The following ZNF804A variants were observed in gnomAD, a reference collection of about 807,000 sequenced individuals.
The protein encoded by ZNF804A is zinc finger protein 804A.
ZNF804A carries 2 observed loss-of-function variants against 16.5 expected under a neutral mutation model. The ratio of observed to expected loss-of-function variants is 0.12; its 90% CI spans 0.05 to 0.38. The LOEUF is 0.38. Among genes scored for constraint, ZNF804A ranks in the 10% least tolerant of loss-of-function variants. The pLI is 0.99. For missense variants in ZNF804A, 1,473 were observed against 1,390.7 expected (o/e 1.06, Z -0.94); for synonymous variants, 534 against 489.6 (o/e 1.09, Z -1.20).
rs780447562 is a variant in ZNF804A, at chr2:184,936,734, T to C, written c.1338T>C (p.Tyr446=). ...AGTGGCCATCAGAAATGCTGGTTTA[T>C]ACAACTACGAAACCATCAATTTCCT... The part of the protein sequence containing the change: ...VLQWPSEMLV[Y]TTTKPSISYS... Residue 446 remains tyrosine (Y), a synonymous_variant, in exon 4 of 4, where the codon TAT becomes TAC. Transcript: ENST00000302277. 34 of 1,613,766 alleles carry C rather than the reference T, an allele frequency of 2.1e-5. No individual in the cohort carries two copies. Among genetic ancestry groups the C allele is most frequent in the Non-Finnish European group, 2.7e-5 (32 of 1,179,906 alleles).
At chr2:184,666,231 T>A (rs983916924) in intron 1 of ZNF804A, among the ~76,000 whole-genome samples, 4 of 152,134 alleles carry the variant, frequency 2.6e-5, no homozygotes, top group Non-Finnish European at 5.9e-5. Flanking sequence ...TGCAGTGTAC[T>A]TTTTTATAGA....
At chr2:184,780,909 T>C (rs865957857) in intron 1 of ZNF804A, among the ~76,000 whole-genome samples, 1 of 151,708 alleles carries the variant, frequency 6.6e-6, no homozygotes, top group Non-Finnish European at 1.5e-5. Flanking sequence ...CACAAATTTC[T>C]CTCTAGGGGT....
intron 2 of ZNF804A, among the ~76,000 whole-genome samples, chr2:184,921,341 C>T (rs1286112128): frequency 2.0e-5 from 3 of 151,914 alleles, no homozygotes; most frequent in African/African-American, 7.2e-5. Context: ...TTTTTTTTTA[C>T]CTTGGTATCA....
intron 1 of ZNF804A, among the ~76,000 whole-genome samples, chr2:184,693,612 G>A (rs1476629925): frequency 1.3e-5 from 2 of 152,092 alleles, no homozygotes; most frequent in African/African-American, 4.8e-5. Flanking sequence ...TTGACTTCCA[G>A]TCAATTTATG....
At chr2:184,624,229 T>C (rs1164202288) in intron 1 of ZNF804A, among the ~76,000 whole-genome samples, 2 of 152,150 alleles carry the variant, frequency 1.3e-5, no homozygotes, top group Non-Finnish European at 2.9e-5. Context: ...TGTATGTACT[T>C]AATGCCAATG....
intron 1 of ZNF804A, among the ~76,000 whole-genome samples, chr2:184,692,262 T>G (rs943308554): frequency 3.9e-5 from 6 of 152,158 alleles, no homozygotes; most frequent in African/African-American, 1.4e-4. Flanking sequence ...AGCACTTAGA[T>G]TTTATTAGAA....
In ZNF804A at chr2:184,938,623, C is replaced by T. The variant is rs770299669; in HGVS notation, c.3227C>T (p.Pro1076Leu). Residue 1076 changes from proline (P) to leucine (L), a missense_variant, in exon 4 of 4, where the codon CCC (proline) becomes CTC (leucine). Coordinates refer to ENST00000302277, the MANE Select transcript of ZNF804A (RefSeq NM_194250.2). ...KFTFPPAALP[P>L]PSTPLQPLPL... is the part of the protein sequence containing the mutation. ...ACCTTTCCTCCAGCTGCCCTCCCAC[C>T]CCCTAGCACACCTCTGCAGCCTTTG... The T allele has an allele frequency of 7.2e-5, 117 of 1,613,900 alleles. 2 individuals carry two copies. In the Admixed American group the frequency reaches 2.0e-3, roughly 27 times the overall value.
At position 184,852,662 on chromosome 2, in the gene ZNF804A, A is replaced by C. The variant is rs1314374446; in HGVS notation, c.112-13707A>C. Among the ~76,000 whole-genome samples, 3 of 151,672 alleles carry C rather than the reference A, an allele frequency of 2.0e-5. No individual in the cohort carries two copies. In the Admixed American group the frequency reaches 2.0e-4, roughly 10 times the overall value. The stretch of plus-strand genomic sequence containing the variant: ...AAACAAAAGTCAAATTTTATTCTGC[A>C]TGTGGATATTTAGTTGTCCCAATAT... On this transcript the variant is annotated intron_variant, in intron 1 of 3. Transcript: ENST00000302277.
intron 1 of ZNF804A, among the ~76,000 whole-genome samples, chr2:184,642,786 A>G (rs545252064): frequency 6.6e-6 from 1 of 152,288 alleles, no homozygotes; most frequent in African/African-American, 2.4e-5. Flanking sequence ...TCTAAAGAGC[A>G]CATTCTTAAG....
intron 1 of ZNF804A, among the ~76,000 whole-genome samples, chr2:184,771,194 A>T (rs1694206268): frequency 6.6e-6 from 1 of 152,092 alleles, no homozygotes; most frequent in African/African-American, 2.4e-5. Flanking sequence ...TGTGCTTTTA[A>T]AATAGTCAAT....
intron 1 of ZNF804A, among the ~76,000 whole-genome samples, chr2:184,650,887 A>G (rs968998117): frequency 1.1e-4 from 16 of 152,156 alleles, no homozygotes; most frequent in Non-Finnish European, 1.9e-4. Flanking sequence ...TACACATTCA[A>G]TGCTTTTCTT....
chr2:184,607,936 C>CTCTTT (rs1553520325), intron 1 of ZNF804A, among the ~76,000 whole-genome samples: 1 of 65,654 alleles, frequency 1.5e-5, no homozygotes, highest in African/African-American at 6.6e-5. Context: ...TGATGCATCT[C>CTCTTT]TTTTTTTTTT....
intron 2 of ZNF804A, among the ~76,000 whole-genome samples, chr2:184,883,295 C>T (rs959004830): frequency 3.3e-5 from 5 of 151,780 alleles, no homozygotes; most frequent in Non-Finnish European, 5.9e-5. Flanking sequence ...CGTGTACCAG[C>T]CAGAAAAAAC....
intron 1 of ZNF804A, among the ~76,000 whole-genome samples, chr2:184,696,090 G>A (rs1211223949): frequency 6.6e-6 from 1 of 151,944 alleles, no homozygotes; most frequent in African/African-American, 2.4e-5. Flanking sequence ...ATGTAATTTC[G>A]GAGACACTGC....
chr2:184,934,060 C>T (rs1685746250), intron 3 of ZNF804A, among the ~76,000 whole-genome samples: 1 of 152,084 alleles, frequency 6.6e-6, no homozygotes, highest in Non-Finnish European at 1.5e-5. Context: ...GACAGCAAGG[C>T]AGTATCTTAT....
At chr2:184,783,507 A>G (rs890387830) in intron 1 of ZNF804A, among the ~76,000 whole-genome samples, 1 of 151,964 alleles carries the variant, frequency 6.6e-6, no homozygotes. Flanking sequence ...ACCAGAAGGT[A>G]GTTCTACAGA....
At chr2:184,912,833 C>T (rs1466973020) in intron 2 of ZNF804A, among the ~76,000 whole-genome samples, 1 of 151,996 alleles carries the variant, frequency 6.6e-6, no homozygotes, top group Admixed American at 6.6e-5. Context: ...GGATACTTGG[C>T]CTTTATAAGA....
chr2:184,743,269 T>A (rs761042759), intron 1 of ZNF804A, among the ~76,000 whole-genome samples: 3 of 152,010 alleles, frequency 2.0e-5, no homozygotes, highest in Non-Finnish European at 4.4e-5. Context: ...TCTTGAGTCT[T>A]CTGACTTAAC....
At chr2:184,688,211 A>T (rs1359453959) in intron 1 of ZNF804A, among the ~76,000 whole-genome samples, 1 of 152,152 alleles carries the variant, frequency 6.6e-6, no homozygotes, top group Admixed American at 6.6e-5. Context: ...TATTCAATAT[A>T]GTGATAGAAC....
Sources: allele counts gnomAD v4.1 joint callset (sites outside exome capture counted in the v4.1 genomes callset), GRCh38; gene constraint gnomAD v4.1.1; transcripts MANE v1.5; gene names NCBI Gene and HGNC (gene_info 2026-07-23, HGNC 2026-07-21).